Variants in TJP1 observed in about 807,000 individuals in gnomAD.
The protein encoded by TJP1 is tight junction protein ZO-1.
TJP1 carries 43 observed loss-of-function variants against 194.2 expected under a neutral mutation model. That is an observed-to-expected ratio of 0.22 (90% CI 0.17 to 0.29). The LOEUF (loss-of-function observed/expected upper bound fraction) is 0.29, where lower values mean the gene tolerates loss of function less well. Ranked by LOEUF, TJP1 falls within the 10% of genes least tolerant of loss-of-function variation. TJP1 has a pLI of 1.00. For missense variants in TJP1, 1,971 were observed against 2,185.7 expected (o/e 0.90, Z 1.96); for synonymous variants, 801 against 779.0 (o/e 1.03, Z -0.47).
rs751957543 is a variant in TJP1 at position 29,707,658 on chromosome 15, C to T, written c.4850+901G>A. 1.3e-4 allele frequency among the ~76,000 whole-genome samples: 20 copies of T among 152,106 alleles called. 1 individual carries two copies. The highest frequency in any genetic ancestry group is 2.2e-4 in the Non-Finnish European group (15 of 68,026). ...GGCCAGAATCCATCTGGTCAATCGC[C>T]GTGGAATGAAAGACAGGAAAGAGGA... On this transcript the variant is annotated intron_variant, in intron 25 of 27. Coordinates refer to ENST00000614355, the MANE Select transcript of TJP1 (RefSeq NM_001330239.4).
At chr15:29,946,507 C>T (rs778977565) in intron 2 of TJP1, among the ~76,000 whole-genome samples, 26 of 152,216 alleles carry the variant, frequency 1.7e-4, no homozygotes, top group Non-Finnish European at 2.8e-4. Flanking sequence ...CGCCCTGATG[C>T]GAGGCTCTGA....
At chr15:29,957,244 T>C (rs565838520) in intron 1 of TJP1, among the ~76,000 whole-genome samples, 1 of 152,300 alleles carries the variant, frequency 6.6e-6, no homozygotes, top group Admixed American at 6.5e-5. Context: ...TTCATACATA[T>C]ACATACAGAC....
intron 13 of TJP1, 119 bp downstream of exon 13, chr15:29,732,975 A>G: frequency 7.8e-7 from 1 of 1,275,726 alleles, no homozygotes; most frequent in Non-Finnish European, 1.1e-6. Context: ...AGTCAGTTAT[A>G]GATACGTTGA....
At chr15:29,949,983 C>T (rs1815439170) in intron 2 of TJP1, among the ~76,000 whole-genome samples, 1 of 44,316 alleles carries the variant, frequency 2.3e-5, no homozygotes, top group Non-Finnish European at 3.7e-5. Flanking sequence ...ATCTTCACCA[C>T]CACCTCCACC....
chr15:29,914,142 C>T (rs994210963), intron 2 of TJP1, among the ~76,000 whole-genome samples: 3 of 152,098 alleles, frequency 2.0e-5, no homozygotes, highest in African/African-American at 7.2e-5. Flanking sequence ...TTTAAACGTA[C>T]AAAACATTTC....
intron 2 of TJP1, among the ~76,000 whole-genome samples, chr15:29,841,042 A>G (rs1180129966): frequency 1.3e-5 from 2 of 152,080 alleles, no homozygotes; most frequent in Non-Finnish European, 2.9e-5. Context: ...TTCAAAGGGT[A>G]CCAGTTTGAG....
In TJP1 at chr15:29,748,564, C is replaced by CTTTTTTT. The variant is rs61364565; in HGVS notation, c.1011-5790_1011-5784dup. Among the ~76,000 whole-genome samples, 11 of 73,392 alleles carry CTTTTTTT rather than the reference C, an allele frequency of 1.5e-4. 1 individual carries two copies. The highest frequency in any genetic ancestry group is 2.2e-4 in the Non-Finnish European group (9 of 41,662). 48.1% of individuals were successfully genotyped at this position (73,392 alleles called of 152,430 possible). A position where few individuals can be genotyped will look rare whatever the true frequency, so the allele number is the denominator to read the frequency against. On this transcript the variant is annotated intron_variant, in intron 8 of 27. Transcript: ENST00000614355. ...ACATTTTTCCCAAACCTTCCTAATT[C>CTTTTTTT]TTTTTTTTTTTTTTTTTTTTTTTTT...
chr15:29,926,615 A>G (rs562006288), intron 2 of TJP1, among the ~76,000 whole-genome samples: 34 of 91,558 alleles, frequency 3.7e-4, no homozygotes, highest in South Asian at 1.3e-3. Flanking sequence ...TCCATTTCAG[A>G]AAAAAAAAAA....
At chr15:29,726,589 G>T in intron 17 of TJP1, 110 bp from the exon 18 acceptor site, 1 of 1,217,246 alleles carries the variant, frequency 8.2e-7, no homozygotes, top group Non-Finnish European at 1.2e-6. Context: ...GGTATCTGAG[G>T]ATGCAAACAT....
chr15:29,708,226 C>T (rs867075202), intron 25 of TJP1, among the ~76,000 whole-genome samples: 2 of 150,564 alleles, frequency 1.3e-5, no homozygotes. Flanking sequence ...AGCATGGGCT[C>T]AGAGGTCGGA....
intron 2 of TJP1, among the ~76,000 whole-genome samples, chr15:29,922,485 A>T (rs982516440): frequency 3.9e-5 from 6 of 152,214 alleles, no homozygotes; most frequent in Non-Finnish European, 7.3e-5. Context: ...ATTTTTGTAA[A>T]GGGCTATGTT....
At position 29,766,357 on chromosome 15, in the gene TJP1, G is replaced by A. The variant is rs1158378079; in HGVS notation, c.498C>T (p.Ser166=). 6.2e-7 allele frequency: 1 copy of A among 1,614,100 alleles called. No homozygotes were observed. Among genetic ancestry groups the A allele is most frequent in the Non-Finnish European group, 8.5e-7 (1 of 1,180,040 alleles). ...PRDRSASRER[S]LSPRSDRRSV... is the part of the protein sequence containing the mutation. The stretch of plus-strand genomic sequence containing the variant: ...ACCGCCTGTCTGACCGCGGGGACAA[G>A]CTCCTCTCTCTACTTGCACTTCTAT... The change falls in exon 5 of 28, where the codon AGC becomes AGT. Residue 166 remains serine, a synonymous_variant. Transcript: ENST00000614355.
At chr15:29,909,664 A>G (rs2053953292) in intron 2 of TJP1, among the ~76,000 whole-genome samples, 1 of 152,076 alleles carries the variant, frequency 6.6e-6, no homozygotes, top group African/African-American at 2.4e-5. Context: ...CCCACTGTGC[A>G]AAGACCTGCT....
chr15:29,949,246 C>A (rs1252939988), intron 2 of TJP1, among the ~76,000 whole-genome samples: 1 of 73,980 alleles, frequency 1.4e-5, no homozygotes, highest in Non-Finnish European at 2.6e-5. Flanking sequence ...CCTCCACCTT[C>A]ACCACCACCT....
chr15:29,747,150 T>TG (rs1440597313), intron 8 of TJP1, among the ~76,000 whole-genome samples: 1 of 152,092 alleles, frequency 6.6e-6, no homozygotes, highest in Non-Finnish European at 1.5e-5. Flanking sequence ...TTGGGTGTGG[T>TG]GGCACGCACC....
At position 29,733,236 on chromosome 15, in the gene TJP1, G is replaced by C. The variant is rs781353611; in HGVS notation, c.1594C>G (p.Pro532Ala). 1 of 1,613,882 alleles carries C rather than the reference G, an allele frequency of 6.2e-7. No homozygotes were observed. The highest frequency in any genetic ancestry group is 8.5e-7 in the Non-Finnish European group (1 of 1,179,936). Residue 532 changes from proline to alanine, a missense_variant, in exon 13 of 28, where the codon CCC becomes GCC. Coordinates refer to ENST00000614355, the MANE Select transcript of TJP1 (RefSeq NM_001330239.4). ...CCTTTGTTAAAACTAAGTCCATAGG[G>C]AGATTCCTTTTCATATTCAAAATGG... Reference protein sequence around the residue: ...RTHFEYEKESPYGLSFNKGEV... With the variant: ...RTHFEYEKESAYGLSFNKGEV...
chr15:29,820,941 A>G (rs1368111966), intron 1 of TJP1, among the ~76,000 whole-genome samples: 1 of 152,238 alleles, frequency 6.6e-6, no homozygotes, highest in Non-Finnish European at 1.5e-5. Flanking sequence ...TCAGAGGCAT[A>G]GTATTCCTGC....
At chr15:29,913,894 G>A (rs2054099742) in intron 2 of TJP1, among the ~76,000 whole-genome samples, 1 of 152,192 alleles carries the variant, frequency 6.6e-6, no homozygotes, top group Non-Finnish European at 1.5e-5. Context: ...TGGCTAAAGA[G>A]AGAGATAAGA....
intron 2 of TJP1, among the ~76,000 whole-genome samples, chr15:29,927,177 A>G (rs2054552440): frequency 6.6e-6 from 1 of 152,062 alleles, no homozygotes. Flanking sequence ...AAAATTAGCT[A>G]GGCGTGGTGG....
Sources: gnomAD v4.1 joint callset for allele counts (sites outside exome capture counted in the v4.1 genomes callset) on GRCh38, gnomAD v4.1.1 for gene constraint, MANE v1.5 for transcripts, NCBI Gene and HGNC (gene_info 2026-07-23, HGNC 2026-07-21) for gene names.